Variants in CDH13 observed in about 807,000 individuals in gnomAD.
CDH13 encodes cadherin-13.
Under a neutral mutation model 63.8 loss-of-function variants are expected in CDH13, and 24 were observed. The ratio of observed to expected loss-of-function variants is 0.38; its 90% CI spans 0.27 to 0.53. CDH13 has a LOEUF of 0.53. Ranked by LOEUF, CDH13 falls within the 20% of genes least tolerant of loss-of-function variation. The pLI is 0.85. For synonymous variants in CDH13, 503 were observed against 355.3 expected, an observed-to-expected ratio of 1.42 and a Z score of -4.67; for missense variants, 1,049 against 903.1, an observed-to-expected ratio of 1.16 and a Z score of -2.07.
In CDH13 at chr16:83,119,103, A is replaced by G. The variant is rs113921633; in HGVS notation, c.367-6282A>G. 7.2e-5 allele frequency among the ~76,000 whole-genome samples: 11 copies of G among 152,330 alleles called. 1 individual carries two copies. The highest frequency in any genetic ancestry group is 2.6e-4 in the African/African-American group (11 of 41,576). On this transcript the variant is annotated intron_variant, in intron 3 of 13. Coordinates refer to ENST00000567109, the MANE Select transcript of CDH13 (RefSeq NM_001257.5). Reference sequence around the variant, plus strand: ...TCATCTGTTCATGGTCAAGCCTAGCAGCCTCCGTGATTTTGGAGGAGACCT... The same window carrying G: ...TCATCTGTTCATGGTCAAGCCTAGCGGCCTCCGTGATTTTGGAGGAGACCT...
At chr16:83,046,123 G>T (rs769975520) in intron 3 of CDH13, among the ~76,000 whole-genome samples, 18 of 152,126 alleles carry the variant, frequency 1.2e-4, no homozygotes, top group Non-Finnish European at 2.2e-4. Flanking sequence ...AGTTGATGTT[G>T]TCTTTTTTTG....
chr16:83,181,482 G>C (rs560398955), intron 4 of CDH13, among the ~76,000 whole-genome samples: 1 of 152,152 alleles, frequency 6.6e-6, no homozygotes, highest in African/African-American at 2.4e-5. Flanking sequence ...ACCACATCTT[G>C]GGCTGTAGTA....
chr16:83,247,244 G>T (rs1231429904), intron 5 of CDH13, among the ~76,000 whole-genome samples: 1 of 152,304 alleles, frequency 6.6e-6, no homozygotes, highest in African/African-American at 2.4e-5. Context: ...GAGGCATGTG[G>T]TGTGGGGTCC....
At chr16:83,319,896 G>C (rs1021476907) in intron 5 of CDH13, among the ~76,000 whole-genome samples, 5 of 152,142 alleles carry the variant, frequency 3.3e-5, no homozygotes, top group Non-Finnish European at 5.9e-5. Flanking sequence ...ATTTTCAAAA[G>C]CCCAACGTAA....
intron 2 of CDH13, among the ~76,000 whole-genome samples, chr16:82,917,914 C>CAAAAAA (rs34766700): frequency 4.4e-5 from 2 of 45,946 alleles, no homozygotes; most frequent in African/African-American, 1.4e-4. Flanking sequence ...GACTCCATGT[C>CAAAAAA]AAAAAAAAAA....
In CDH13 at chr16:83,244,881, G is replaced by C. The variant is rs73593911; in HGVS notation, c.636+27384G>C. Among the ~76,000 whole-genome samples the C allele has an allele frequency of 2.2e-3, 341 of 152,198 alleles. 1 individual carries two copies. Among genetic ancestry groups the C allele is most frequent in the African/African-American group, 7.7e-3 (321 of 41,524 alleles). ...GTTTTTCCTGGAATCTGGTCACATA[G>C]GCACCCTTTGCCTGATAGGTTCCAA... On this transcript the variant is annotated intron_variant, in intron 5 of 13. Coordinates refer to ENST00000567109, the MANE Select transcript of CDH13 (RefSeq NM_001257.5).
At chr16:83,243,423 A>T (rs1010119289) in intron 5 of CDH13, among the ~76,000 whole-genome samples, 1 of 152,140 alleles carries the variant, frequency 6.6e-6, no homozygotes, top group African/African-American at 2.4e-5. Context: ...CTTATTAACT[A>T]TCATGAGAAC....
intron 2 of CDH13, among the ~76,000 whole-genome samples, chr16:82,936,572 C>A (rs35425717): frequency 6.6e-6 from 1 of 152,058 alleles, no homozygotes; most frequent in Non-Finnish European, 1.5e-5. Context: ...AAACAGTAGG[C>A]CCCCCACCTT....
At chr16:83,128,366 G>A (rs2035902476) in intron 4 of CDH13, among the ~76,000 whole-genome samples, 1 of 152,174 alleles carries the variant, frequency 6.6e-6, no homozygotes, top group Non-Finnish European at 1.5e-5. Flanking sequence ...CAAAACCACT[G>A]AGCCAAAAAC....
At chr16:82,795,634 T>A (rs2151147148) in intron 1 of CDH13, among the ~76,000 whole-genome samples, 1 of 152,332 alleles carries the variant, frequency 6.6e-6, no homozygotes, top group East Asian at 1.9e-4. Flanking sequence ...CCCAAGGTCC[T>A]ACAGTTGTTA....
intron 5 of CDH13, among the ~76,000 whole-genome samples, chr16:83,272,705 T>C (rs2088862522): frequency 6.6e-6 from 1 of 152,114 alleles, no homozygotes; most frequent in African/African-American, 2.4e-5. Context: ...GAAAAACTAC[T>C]CCCAATTCAT....
At chr16:83,790,828 C>T (rs1166529006) in intron 13 of CDH13, among the ~76,000 whole-genome samples, 1 of 152,194 alleles carries the variant, frequency 6.6e-6, no homozygotes, top group Non-Finnish European at 1.5e-5. Context: ...TCTAGCACGA[C>T]TTTTATGGTA....
chr16:83,713,252 G>A lies in CDH13; in HGVS notation c.1538+34791G>A, dbSNP rs572181820. On this transcript the variant is annotated intron_variant, in intron 10 of 13. Transcript: ENST00000567109. ...GGGGTCCTTCATGGACGCATTGATA[G>A]ATGACAGTGTGCCAATCCAGCACAC... Among the ~76,000 whole-genome samples the A allele has an allele frequency of 4.6e-5, 7 of 152,286 alleles. No individual in the cohort carries two copies. The South Asian group carries it at 1.0e-3, about 23-fold the overall frequency.
intron 1 of CDH13, among the ~76,000 whole-genome samples, chr16:82,781,730 A>T (rs995509459): frequency 6.6e-6 from 1 of 152,198 alleles, no homozygotes; most frequent in South Asian, 2.1e-4. Flanking sequence ...GTATCCATCC[A>T]CGTAACCACT....
chr16:83,758,290 A>T (rs780336190), intron 11 of CDH13, among the ~76,000 whole-genome samples: 3 of 152,164 alleles, frequency 2.0e-5, no homozygotes, highest in Non-Finnish European at 4.4e-5. Context: ...AAAATTGCAG[A>T]CCGATCTCAC....
At chr16:82,747,621 C>A (rs2034236314) in intron 1 of CDH13, among the ~76,000 whole-genome samples, 1 of 152,148 alleles carries the variant, frequency 6.6e-6, no homozygotes, top group Non-Finnish European at 1.5e-5. Context: ...TCAAGTAATT[C>A]TGATGGCTAG....
chr16:82,932,464 A>G (rs763244014), intron 2 of CDH13, among the ~76,000 whole-genome samples: 32 of 152,160 alleles, frequency 2.1e-4, no homozygotes, highest in Non-Finnish European at 4.1e-4. Flanking sequence ...AAATCTTAAC[A>G]TTTTCCACAA....
chr16:83,414,842 C>G (rs1368970378), intron 6 of CDH13, among the ~76,000 whole-genome samples: 2 of 152,150 alleles, frequency 1.3e-5, no homozygotes, highest in African/African-American at 4.8e-5. Context: ...GTTTGTACCT[C>G]TTGTGTATTG....
chr16:83,236,694 G>T (rs558218556), intron 5 of CDH13, among the ~76,000 whole-genome samples: 3 of 151,908 alleles, frequency 2.0e-5, no homozygotes, highest in Non-Finnish European at 4.4e-5. Context: ...ATATAAGGGA[G>T]TCCAGTAATT....
Sources: gnomAD v4.1 joint callset for allele counts (sites outside exome capture counted in the v4.1 genomes callset) on GRCh38, gnomAD v4.1.1 for gene constraint, MANE v1.5 for transcripts, NCBI Gene and HGNC (gene_info 2026-07-23, HGNC 2026-07-21) for gene names.